Variants in FOXP1 observed in about 807,000 individuals in gnomAD.
FOXP1 encodes the protein forkhead box P1.
Under a neutral mutation model 98.2 loss-of-function variants are expected in FOXP1, and 15 were observed. The observed-to-expected ratio is 0.15, with a 90% CI of 0.10 to 0.24. The LOEUF (loss-of-function observed/expected upper bound fraction) is 0.24. Among genes scored for constraint, FOXP1 ranks in the 10% least tolerant of loss-of-function variants. FOXP1 has a pLI of 1.00. For missense variants in FOXP1, 633 were observed against 848.5 expected, an observed-to-expected ratio of 0.75 and a Z score of 3.15; for synonymous variants, 371 against 314.5, an observed-to-expected ratio of 1.18 and a Z score of -1.90.
At chr3:71,114,879 C>T (rs143943157) in intron 6 of FOXP1, among the ~76,000 whole-genome samples, 2 of 152,306 alleles carry the variant, frequency 1.3e-5, no homozygotes, top group African/African-American at 2.4e-5. Context: ...ACGCTCAGTA[C>T]ATGCGTAGGT....
At chr3:71,256,060 G>A (rs2068596034) in intron 5 of FOXP1, among the ~76,000 whole-genome samples, 1 of 152,192 alleles carries the variant, frequency 6.6e-6, no homozygotes, top group African/African-American at 2.4e-5. Flanking sequence ...AAGGTCTTCA[G>A]CAGCAAGCTA....
At chr3:71,310,116 T>C (rs2074579768) in intron 4 of FOXP1, among the ~76,000 whole-genome samples, 1 of 152,244 alleles carries the variant, frequency 6.6e-6, no homozygotes, top group Admixed American at 6.5e-5. Context: ...ACTGTGGTAT[T>C]AGAAACATGC....
chr3:71,112,748 T>C, intron 6 of FOXP1, 111 bp from the exon 7 acceptor site: 1 of 772,008 alleles, frequency 1.3e-6, no homozygotes, highest in East Asian at 2.5e-5. Flanking sequence ...ACTTTCCTAT[T>C]TCCTGGCAAA....
At chr3:71,123,332 C>G (rs529276161) in intron 6 of FOXP1, among the ~76,000 whole-genome samples, 1 of 152,296 alleles carries the variant, frequency 6.6e-6, no homozygotes, top group African/African-American at 2.4e-5. Context: ...ACAAGCCCAG[C>G]TATCTCTGCT....
intron 4 of FOXP1, among the ~76,000 whole-genome samples, chr3:71,358,606 G>A (rs916074853): frequency 1.3e-5 from 2 of 152,144 alleles, no homozygotes; most frequent in Admixed American, 6.5e-5. Flanking sequence ...CCTGTTTCTC[G>A]CAGATAAATG....
intron 7 of FOXP1, among the ~76,000 whole-genome samples, chr3:71,057,544 A>G (rs1346612179): frequency 6.6e-6 from 1 of 151,630 alleles, no homozygotes; most frequent in Non-Finnish European, 1.5e-5. Flanking sequence ...ATGTTTTATG[A>G]GTTAACAATG....
At chr3:71,261,297 CATA>C (rs904116592) in intron 5 of FOXP1, among the ~76,000 whole-genome samples, 20 of 152,018 alleles carry the variant, frequency 1.3e-4, no homozygotes, top group African/African-American at 4.8e-4. Flanking sequence ...AAGTTTTCAA[CATA>C]ATATCAAATA....
intron 6 of FOXP1, among the ~76,000 whole-genome samples, chr3:71,197,315 C>T (rs1229907572): frequency 6.6e-6 from 1 of 152,100 alleles, no homozygotes; most frequent in African/African-American, 2.4e-5. Context: ...TTATTATTAA[C>T]AAAGCCTAAT....
At chr3:71,158,083 A>AGAAGGAAG (rs1238796330) in intron 6 of FOXP1, among the ~76,000 whole-genome samples, 32 of 42,082 alleles carry the variant, frequency 7.6e-4, no homozygotes, top group South Asian at 1.6e-3. Context: ...GTAAGACGAA[A>AGAAGGAAG]GAAGGAAGGA....
intron 3 of FOXP1, among the ~76,000 whole-genome samples, chr3:71,484,061 T>G (rs2090479064): frequency 6.6e-6 from 1 of 152,156 alleles, no homozygotes; most frequent in Admixed American, 6.5e-5. Flanking sequence ...AAGAGTAAAC[T>G]ACCCTGATAC....
intron 3 of FOXP1, among the ~76,000 whole-genome samples, chr3:71,479,109 T>C (rs971340611): frequency 2.0e-5 from 3 of 152,236 alleles, no homozygotes; most frequent in African/African-American, 7.2e-5. Context: ...TTTACGTCAC[T>C]TGCACAATTT....
At chr3:71,117,460 T>TA (rs1158542150) in intron 6 of FOXP1, among the ~76,000 whole-genome samples, 1 of 152,142 alleles carries the variant, frequency 6.6e-6, no homozygotes, top group Non-Finnish European at 1.5e-5. Context: ...CAACCACAAT[T>TA]AGAGAAAAGT....
intron 2 of FOXP1, among the ~76,000 whole-genome samples, chr3:71,524,539 T>TAAAAAA: frequency 7.8e-6 from 1 of 128,902 alleles, no homozygotes; most frequent in Non-Finnish European, 1.6e-5. Flanking sequence ...AAATAAATCT[T>TAAAAAA]AAAAAAAAAA....
At chr3:71,516,359 C>G (rs2042580651) in intron 2 of FOXP1, among the ~76,000 whole-genome samples, 1 of 152,022 alleles carries the variant, frequency 6.6e-6, no homozygotes. Flanking sequence ...ACAAATGGAA[C>G]CAAGTATAAT....
intron 2 of FOXP1, among the ~76,000 whole-genome samples, chr3:71,551,544 C>T (rs1353107023): frequency 1.3e-5 from 2 of 152,180 alleles, no homozygotes; most frequent in Non-Finnish European, 2.9e-5. Flanking sequence ...ACATGCATAA[C>T]GTTTCCTGGT....
At chr3:71,078,904 T>A (rs1052225910) in intron 7 of FOXP1, among the ~76,000 whole-genome samples, 3 of 152,132 alleles carry the variant, frequency 2.0e-5, no homozygotes, top group Admixed American at 1.3e-4. Flanking sequence ...TTCTCTTTCG[T>A]TACCTGGATT....
chr3:71,441,604 G>T (rs2085950201), intron 3 of FOXP1, among the ~76,000 whole-genome samples: 3 of 152,222 alleles, frequency 2.0e-5, no homozygotes, highest in Admixed American at 2.0e-4. Flanking sequence ...CATTTGGAGA[G>T]GTTGAGGAAT....
intron 7 of FOXP1, among the ~76,000 whole-genome samples, chr3:71,106,392 G>C (rs2057426363): frequency 6.6e-6 from 1 of 152,264 alleles, no homozygotes; most frequent in African/African-American, 2.4e-5. Flanking sequence ...CTGGAGTGCA[G>C]TGGCGTGATC....
At chr3:71,197,248 G>T (rs960089307) in intron 6 of FOXP1, among the ~76,000 whole-genome samples, 1 of 151,902 alleles carries the variant, frequency 6.6e-6, no homozygotes, top group Non-Finnish European at 1.5e-5. Flanking sequence ...TCTGAGTGGC[G>T]CCATAACTAT....
Sources: gnomAD v4.1 joint callset for allele counts (sites outside exome capture counted in the v4.1 genomes callset) on GRCh38, gnomAD v4.1.1 for gene constraint, MANE v1.5 for transcripts, NCBI Gene and HGNC (gene_info 2026-07-23, HGNC 2026-07-21) for gene names.